PDE3A: variants seen among roughly 807,000 people sequenced by gnomAD.
PDE3A encodes the protein cGMP-inhibited 3',5'-cyclic phosphodiesterase 3A.
PDE3A carries 43 observed loss-of-function variants against 98.3 expected under a neutral mutation model. That is an observed-to-expected ratio of 0.44 (90% CI 0.34 to 0.56). PDE3A has a LOEUF of 0.56. PDE3A is among the 20% of genes least tolerant of loss of function. The probability of loss-of-function intolerance (pLI) is 0.01; values close to 1 mark genes in which losing one functional copy is unlikely to be tolerated. For synonymous variants in PDE3A, 663 were observed against 567.9 expected (o/e 1.17, Z -2.38); for missense variants, 1,427 against 1,440.7 (o/e 0.99, Z 0.15).
intron 1 of PDE3A, among the ~76,000 whole-genome samples, chr12:20,417,248 A>G (rs1944435988): frequency 6.6e-6 from 1 of 152,314 alleles, no homozygotes; most frequent in African/African-American, 2.4e-5. Flanking sequence ...CAAAAAATAC[A>G]TTGCAGTACA....
chr12:20,632,304 A>G (rs1944398959), intron 6 of PDE3A, among the ~76,000 whole-genome samples: 1 of 152,222 alleles, frequency 6.6e-6, no homozygotes, highest in Admixed American at 6.5e-5. Flanking sequence ...CTTAGTATGC[A>G]GATACGGTCT....
chr12:20,566,851 C>G (rs1448806511), intron 2 of PDE3A, among the ~76,000 whole-genome samples: 1 of 151,828 alleles, frequency 6.6e-6, no homozygotes, highest in Non-Finnish European at 1.5e-5. Flanking sequence ...ACCGACAGGT[C>G]TTAACTCCAC....
chr12:20,415,006 A>G (rs1944398803), intron 1 of PDE3A, among the ~76,000 whole-genome samples: 1 of 138,270 alleles, frequency 7.2e-6, no homozygotes, highest in African/African-American at 2.5e-5. Flanking sequence ...TTGCTGATAA[A>G]CTTAATAGCA....
At chr12:20,526,590 T>C (rs1311710682) in intron 1 of PDE3A, among the ~76,000 whole-genome samples, 2 of 152,194 alleles carry the variant, frequency 1.3e-5, no homozygotes, top group Non-Finnish European at 2.9e-5. Context: ...ACTAATCTTC[T>C]TAATGAGTTC....
At chr12:20,597,748 C>T (rs1943500415) in intron 2 of PDE3A, among the ~76,000 whole-genome samples, 1 of 152,204 alleles carries the variant, frequency 6.6e-6, no homozygotes, top group African/African-American at 2.4e-5. Flanking sequence ...CCCTGAATGC[C>T]TTCCACTAGA....
chr12:20,487,402 G>T (rs1945747981), intron 1 of PDE3A, among the ~76,000 whole-genome samples: 1 of 146,820 alleles, frequency 6.8e-6, no homozygotes. Flanking sequence ...GGTGGCTCAT[G>T]CCTGTAATCC....
intron 1 of PDE3A, among the ~76,000 whole-genome samples, chr12:20,473,260 T>C (rs1415729822): frequency 3.3e-5 from 5 of 152,202 alleles, no homozygotes; most frequent in Non-Finnish European, 7.4e-5. Flanking sequence ...TGTATCTCCC[T>C]ACCCTCTTAA....
intron 1 of PDE3A, among the ~76,000 whole-genome samples, chr12:20,511,481 C>T (rs931348716): frequency 6.6e-6 from 1 of 151,788 alleles, no homozygotes; most frequent in Non-Finnish European, 1.5e-5. Context: ...CAGTTGGACA[C>T]AGGAGCCAAC....
At chr12:20,514,928 G>A (rs1946289467) in intron 1 of PDE3A, among the ~76,000 whole-genome samples, 1 of 152,194 alleles carries the variant, frequency 6.6e-6, no homozygotes, top group Non-Finnish European at 1.5e-5. Flanking sequence ...ATAAAGAACA[G>A]AAATTTATTT....
In PDE3A at chr12:20,552,798, G is replaced by T; in HGVS notation, c.961-3862G>T. On this transcript the variant is annotated intron_variant, in intron 1 of 15. Transcript: ENST00000359062. This position sits in a 1 kb window ranked among gnomAD's most constrained non-coding sequence, Gnocchi z 5.1. Reference sequence around the variant, plus strand: ...TGAGTAAAGTGGAGGAGACGTTCCAGTGTATCTGCTGTCAGGAGCTGGTGT... The same window carrying T: ...TGAGTAAAGTGGAGGAGACGTTCCATTGTATCTGCTGTCAGGAGCTGGTGT... 2 of 1,614,048 alleles carry T rather than the reference G, an allele frequency of 1.2e-6. No homozygotes were observed. The highest frequency in any genetic ancestry group is 1.7e-5 in the Admixed American group (1 of 60,030).
intron 1 of PDE3A, among the ~76,000 whole-genome samples, chr12:20,425,251 C>G (rs987730032): frequency 6.6e-6 from 1 of 152,018 alleles, no homozygotes; most frequent in East Asian, 1.9e-4. Context: ...ATACATAAAG[C>G]CAGTGGGTTT....
At chr12:20,522,065 G>A (rs1478613196) in intron 1 of PDE3A, among the ~76,000 whole-genome samples, 1 of 152,084 alleles carries the variant, frequency 6.6e-6, no homozygotes, top group Non-Finnish European at 1.5e-5. Context: ...GTTCCTCACA[G>A]ACAAAGAACA....
rs367955564 is a variant in PDE3A, at chr12:20,505,138, G to T, written c.961-51522G>T. On this transcript the variant is annotated intron_variant, in intron 1 of 15. Transcript: ENST00000359062. ...TAAGTTTAGATTTCATTCCAAATGT[G>T]TAACCAGCAATTACTTTCTATAGTC... Among the ~76,000 whole-genome samples, 10 of 152,160 alleles carry T rather than the reference G, an allele frequency of 6.6e-5. No homozygotes were observed. In the East Asian group the frequency reaches 7.7e-4, roughly 12 times the overall value.
intron 2 of PDE3A, among the ~76,000 whole-genome samples, chr12:20,589,886 A>AG (rs1364333059): frequency 4.6e-5 from 7 of 151,766 alleles, no homozygotes; most frequent in African/African-American, 1.7e-4. Context: ...AAAAAAAAAA[A>AG]AAAGAAAAAA....
intron 15 of PDE3A, among the ~76,000 whole-genome samples, chr12:20,667,507 C>A (rs150023355): frequency 6.6e-6 from 1 of 152,118 alleles, no homozygotes; most frequent in South Asian, 2.1e-4. Context: ...CCAATTTTCC[C>A]AGCACCACTT....
At chr12:20,404,344 A>G (rs1254579860) in intron 1 of PDE3A, among the ~76,000 whole-genome samples, 2 of 152,086 alleles carry the variant, frequency 1.3e-5, no homozygotes, top group African/African-American at 4.8e-5. Context: ...ATAATCTTGG[A>G]GATGCATGTT....
intron 1 of PDE3A, among the ~76,000 whole-genome samples, chr12:20,389,093 C>A (rs1943866712): frequency 6.6e-6 from 1 of 151,920 alleles, no homozygotes; most frequent in African/African-American, 2.4e-5. Flanking sequence ...AGAAAAATCA[C>A]TTTTACTCAA....
chr12:20,660,743 T>C (rs1274907772), intron 15 of PDE3A, among the ~76,000 whole-genome samples: 1 of 152,172 alleles, frequency 6.6e-6, no homozygotes, highest in Non-Finnish European at 1.5e-5. Context: ...TCCTGTATGA[T>C]TGTGAGGCTT....
At chr12:20,485,041 T>C (rs767775640) in intron 1 of PDE3A, among the ~76,000 whole-genome samples, 3 of 152,092 alleles carry the variant, frequency 2.0e-5, no homozygotes, top group Non-Finnish European at 4.4e-5. Context: ...AATTAGACAA[T>C]GAAATGTCAA....
Sources: allele counts gnomAD v4.1 joint callset (sites outside exome capture counted in the v4.1 genomes callset), GRCh38; gene constraint gnomAD v4.1.1; non-coding constraint Gnocchi (gnomAD v3.1); transcripts MANE v1.5; gene names NCBI Gene and HGNC (gene_info 2026-07-23, HGNC 2026-07-21).